FSHR: variants seen among roughly 807,000 people sequenced by gnomAD.
FSHR encodes the protein follicle-stimulating hormone receptor.
Under a neutral mutation model 52.1 loss-of-function variants are expected in FSHR, and 46 were observed. The observed-to-expected ratio is 0.88, with a 90% CI of 0.70 to 1.13. The LOEUF (loss-of-function observed/expected upper bound fraction) is 1.13, where lower values mean the gene tolerates loss of function less well. Ranked by LOEUF, FSHR falls within the 50% of genes most tolerant of loss-of-function variation. The pLI is 0.00. For synonymous variants in FSHR, 399 were observed against 309.6 expected (o/e 1.29, Z -3.03); for missense variants, 964 against 834.6 (o/e 1.16, Z -1.91).
In FSHR at chr2:48,983,068, TG is replaced by T; in HGVS notation, c.593+29del. The T allele has an allele frequency of 1.9e-6, 3 of 1,612,434 alleles. No individual in the cohort carries two copies. The Admixed American group carries it at 5.0e-5, about 27-fold the overall frequency. ...GTTGTAAGAGCCATTTCCCTTTAAA[TG>T]GCCTTGAAGAATAGTCAGGGCTACT... is the stretch of plus-strand genomic sequence containing the variant. On this transcript the variant is annotated intron_variant, in intron 7 of 9. Transcript: ENST00000406846.
intron 1 of FSHR, among the ~76,000 whole-genome samples, chr2:49,078,077 A>G (rs1267325468): frequency 6.6e-6 from 1 of 152,154 alleles, no homozygotes; most frequent in Non-Finnish European, 1.5e-5. Flanking sequence ...ACTGGTACAA[A>G]TTTACTGTTT....
chr2:49,060,138 A>C (rs1669232427), intron 2 of FSHR, among the ~76,000 whole-genome samples: 1 of 152,168 alleles, frequency 6.6e-6, no homozygotes, highest in South Asian at 2.1e-4. Context: ...TGCAAATCAA[A>C]CCATAATGAG....
chr2:49,002,014 C>T (rs983190863), intron 4 of FSHR, among the ~76,000 whole-genome samples: 9 of 152,072 alleles, frequency 5.9e-5, no homozygotes, highest in African/African-American at 2.2e-4. Context: ...AGCTCAGTGT[C>T]CCTGGGCCTT....
At chr2:49,016,187 C>T (rs773824373) in intron 4 of FSHR, among the ~76,000 whole-genome samples, 2 of 152,184 alleles carry the variant, frequency 1.3e-5, no homozygotes, top group Non-Finnish European at 2.9e-5. Flanking sequence ...CTAATATTTA[C>T]TGAGCATCTA....
At chr2:49,001,214 A>T (rs1666870043) in intron 4 of FSHR, among the ~76,000 whole-genome samples, 1 of 152,114 alleles carries the variant, frequency 6.6e-6, no homozygotes, top group South Asian at 2.1e-4. Context: ...GCCTGTATTA[A>T]AGTCATTTAA....
intron 4 of FSHR, among the ~76,000 whole-genome samples, chr2:49,000,357 T>C (rs1333679830): frequency 6.6e-6 from 1 of 152,128 alleles, no homozygotes; most frequent in African/African-American, 2.4e-5. Flanking sequence ...GAGAAATCTT[T>C]GAGAAAATAG....
chr2:49,145,244 A>G (rs1672828713), intron 1 of FSHR, among the ~76,000 whole-genome samples: 3 of 152,108 alleles, frequency 2.0e-5, no homozygotes. Context: ...AACTGAAAAG[A>G]TTGAGTCTCT....
chr2:49,060,340 G>GA (rs956603197), intron 2 of FSHR, among the ~76,000 whole-genome samples: 38 of 148,570 alleles, frequency 2.6e-4, no homozygotes, highest in South Asian at 6.4e-4. Flanking sequence ...TTAGCAAAAG[G>GA]AAAAAAAAAC....
At chr2:49,148,419 T>C (rs190482725) in intron 1 of FSHR, among the ~76,000 whole-genome samples, 2 of 152,172 alleles carry the variant, frequency 1.3e-5, no homozygotes, top group East Asian at 3.9e-4. Context: ...AAGAATTCTT[T>C]ATTCAATACT....
At chr2:49,076,650 A>G (rs541098370) in intron 1 of FSHR, among the ~76,000 whole-genome samples, 106 of 152,202 alleles carry the variant, frequency 7.0e-4, no homozygotes, top group Admixed American at 2.9e-3. Flanking sequence ...AAAATCCACA[A>G]TCCAGAGTCT....
intron 2 of FSHR, among the ~76,000 whole-genome samples, chr2:49,049,013 C>CA (rs1668759163): frequency 6.6e-6 from 1 of 151,948 alleles, no homozygotes; most frequent in Non-Finnish European, 1.5e-5. Flanking sequence ...ATAGTTCATG[C>CA]ATTGATTGCA....
chr2:49,118,124 A>G (rs180758620), intron 1 of FSHR, among the ~76,000 whole-genome samples: 1 of 152,128 alleles, frequency 6.6e-6, no homozygotes, highest in African/African-American at 2.4e-5. Flanking sequence ...GGGGGGAAAG[A>G]GTAAAAGCTA....
At chr2:48,964,399 C>G (rs1674378088) in intron 9 of FSHR, among the ~76,000 whole-genome samples, 1 of 152,192 alleles carries the variant, frequency 6.6e-6, no homozygotes, top group Non-Finnish European at 1.5e-5. Flanking sequence ...TTCGCTGACT[C>G]AAATGAGAAC....
intron 3 of FSHR, among the ~76,000 whole-genome samples, chr2:49,019,638 A>G (rs1667619588): frequency 6.6e-6 from 1 of 152,208 alleles, no homozygotes; most frequent in Non-Finnish European, 1.5e-5. Context: ...TTATTATTCC[A>G]GTTTTACAGA....
chr2:49,088,933 T>A (rs902802068), intron 1 of FSHR, among the ~76,000 whole-genome samples: 5 of 152,190 alleles, frequency 3.3e-5, no homozygotes, highest in Non-Finnish European at 7.3e-5. Context: ...AGAAAACATA[T>A]GCATTGAGTA....
chr2:49,106,648 G>A (rs932163338), intron 1 of FSHR, among the ~76,000 whole-genome samples: 8 of 152,158 alleles, frequency 5.3e-5, no homozygotes, highest in Non-Finnish European at 1.2e-4. Context: ...ATGGAGCAAT[G>A]TTCTTGACAC....
intron 1 of FSHR, among the ~76,000 whole-genome samples, chr2:49,150,075 T>C (rs1673008401): frequency 1.3e-5 from 2 of 151,990 alleles, no homozygotes; most frequent in African/African-American, 2.4e-5. Flanking sequence ...GAATTCTAAC[T>C]GCAGGAAGAA....
chr2:48,997,280 C>T, intron 4 of FSHR: 1 of 985,132 alleles, frequency 1.0e-6, no homozygotes, highest in Non-Finnish European at 1.2e-6. Flanking sequence ...CTCACATTTT[C>T]AAAACTAGAA....
At chr2:49,048,527 C>T (rs986738192) in intron 2 of FSHR, among the ~76,000 whole-genome samples, 9 of 152,278 alleles carry the variant, frequency 5.9e-5, no homozygotes, top group African/African-American at 1.9e-4. Context: ...CCTTATTATT[C>T]ATACCTTGCA....
Sources: allele counts gnomAD v4.1 joint callset (sites outside exome capture counted in the v4.1 genomes callset), GRCh38; gene constraint gnomAD v4.1.1; transcripts MANE v1.5; gene names NCBI Gene and HGNC (gene_info 2026-07-23, HGNC 2026-07-21).